The following SEZ6L variants were observed in gnomAD, a reference collection of about 807,000 sequenced individuals.
SEZ6L encodes the protein seizure 6-like protein.
Under a neutral mutation model 106.2 loss-of-function variants are expected in SEZ6L, and 37 were observed. The observed-to-expected ratio is 0.35, with a 90% CI of 0.27 to 0.46. SEZ6L has a LOEUF of 0.46. Among genes scored for constraint, SEZ6L ranks in the 20% least tolerant of loss-of-function variants. SEZ6L has a pLI of 1.00. For synonymous variants in SEZ6L, 541 were observed against 570.4 expected, an observed-to-expected ratio of 0.95 and a Z score of 0.73; for missense variants, 1,172 against 1,332.8, an observed-to-expected ratio of 0.88 and a Z score of 1.88.
intron 1 of SEZ6L, among the ~76,000 whole-genome samples, chr22:26,233,863 G>C (rs926138209): frequency 6.6e-6 from 1 of 152,186 alleles, no homozygotes; most frequent in Admixed American, 6.5e-5. Flanking sequence ...TTGAGCTGGG[G>C]CCTGGGCAGT....
chr22:26,298,911 C>G, intron 4 of SEZ6L, 73 bp from the exon 5 acceptor site: 1 of 1,427,776 alleles, frequency 7.0e-7, no homozygotes, highest in Non-Finnish European at 9.4e-7. Context: ...CAAACTGGCT[C>G]CCAGGATGTG....
At chr22:26,372,253 G>T (rs2084061862) in intron 13 of SEZ6L, among the ~76,000 whole-genome samples, 1 of 152,304 alleles carries the variant, frequency 6.6e-6, no homozygotes, top group East Asian at 1.9e-4. Context: ...CCAGGAATCT[G>T]CATTTAACAT....
At chr22:26,293,497 A>AT (rs939178290) in intron 2 of SEZ6L, among the ~76,000 whole-genome samples, 3 of 152,172 alleles carry the variant, frequency 2.0e-5, no homozygotes, top group African/African-American at 4.8e-5. Context: ...TGTCCAGCTA[A>AT]TTTTTTTGTT....
chr22:26,358,282 G>T (rs684675), intron 12 of SEZ6L, among the ~76,000 whole-genome samples: 1 of 152,048 alleles, frequency 6.6e-6, no homozygotes, highest in Non-Finnish European at 1.5e-5. Flanking sequence ...AAACCAGCAC[G>T]TCCAGGTTTG....
chr22:26,297,609 C>T (rs1186546495), intron 4 of SEZ6L, among the ~76,000 whole-genome samples: 2 of 152,150 alleles, frequency 1.3e-5, no homozygotes, highest in Non-Finnish European at 2.9e-5. Flanking sequence ...TCCACAGACT[C>T]CTGATAAAGA....
intron 1 of SEZ6L, among the ~76,000 whole-genome samples, chr22:26,262,492 G>A (rs2080047527): frequency 6.6e-6 from 1 of 152,122 alleles, no homozygotes; most frequent in African/African-American, 2.4e-5. Flanking sequence ...TTAGTACATA[G>A]CCTTTTCTAT....
intron 10 of SEZ6L, among the ~76,000 whole-genome samples, chr22:26,342,705 G>GAAAAGAAAAGAAA (rs1228469193): frequency 1.7e-5 from 2 of 120,776 alleles, no homozygotes; most frequent in East Asian, 5.9e-4. Flanking sequence ...AAAGAAAAAA[G>GAAAAGAAAAGAAA]AAAAAAGAAA....
intron 13 of SEZ6L, among the ~76,000 whole-genome samples, chr22:26,365,922 T>A (rs1347955772): frequency 6.6e-6 from 1 of 152,062 alleles, no homozygotes; most frequent in Non-Finnish European, 1.5e-5. Context: ...CTGTACTTCA[T>A]TAAATCTAAG....
chr22:26,290,574 T>C (rs1024312911), intron 1 of SEZ6L, among the ~76,000 whole-genome samples: 2 of 151,704 alleles, frequency 1.3e-5, no homozygotes, highest in African/African-American at 4.8e-5. Context: ...GACTAAATGG[T>C]TTTACCTTCC....
chr22:26,289,269 C>A (rs2145875418), intron 1 of SEZ6L, among the ~76,000 whole-genome samples: 1 of 152,252 alleles, frequency 6.6e-6, no homozygotes, highest in Non-Finnish European at 1.5e-5. Flanking sequence ...TCTTTTTGTC[C>A]CTATGCCCTC....
chr22:26,358,022 A>T (rs1211051758), intron 12 of SEZ6L, among the ~76,000 whole-genome samples: 1 of 152,092 alleles, frequency 6.6e-6, no homozygotes, highest in Admixed American at 6.5e-5. Flanking sequence ...AGACACAGGG[A>T]TTTCCCAGCC....
intron 1 of SEZ6L, among the ~76,000 whole-genome samples, chr22:26,232,331 C>G (rs1017314971): frequency 6.9e-6 from 1 of 145,216 alleles, no homozygotes; most frequent in African/African-American, 2.6e-5. Flanking sequence ...TTAAGTCTCT[C>G]TCTCTCTCTG....
chr22:26,235,888 T>A (rs1010509008), intron 1 of SEZ6L, among the ~76,000 whole-genome samples: 7 of 152,088 alleles, frequency 4.6e-5, no homozygotes, highest in Non-Finnish European at 5.9e-5. Flanking sequence ...TATGATCAGA[T>A]CAAGTAAGAA....
At chr22:26,334,346 T>C (rs1311190108) in intron 9 of SEZ6L, among the ~76,000 whole-genome samples, 1 of 152,188 alleles carries the variant, frequency 6.6e-6, no homozygotes, top group African/African-American at 2.4e-5. Context: ...GATTTCCCTA[T>C]TCTGGATATT....
intron 1 of SEZ6L, among the ~76,000 whole-genome samples, chr22:26,251,439 G>T (rs1207384): frequency 1.3e-5 from 2 of 151,888 alleles, no homozygotes; most frequent in Non-Finnish European, 2.9e-5. Context: ...GATTCTTTTG[G>T]GGTAGTGTAT....
chr22:26,212,037 G>A (rs868450333), intron 1 of SEZ6L, among the ~76,000 whole-genome samples: 8 of 152,188 alleles, frequency 5.3e-5, no homozygotes, highest in Admixed American at 1.3e-4. Context: ...ATAATAAAAT[G>A]TGACGGACAA....
chr22:26,348,638 A>AAG (rs1361080123), intron 11 of SEZ6L, among the ~76,000 whole-genome samples: 6 of 31,480 alleles, frequency 1.9e-4, no homozygotes, highest in African/African-American at 9.5e-4. Flanking sequence ...GAAAGAAAGA[A>AAG]AGAAAGAAAA....
intron 9 of SEZ6L, among the ~76,000 whole-genome samples, chr22:26,316,940 G>GAAAGAAAGAA (rs1569460219): frequency 1.2e-4 from 7 of 57,194 alleles, no homozygotes; most frequent in Non-Finnish European, 2.3e-4. Context: ...AGAAAGAAAA[G>GAAAGAAAGAA]AAAGAAAGGA....
chr22:26,347,112 C>A (rs1483564082), intron 10 of SEZ6L, among the ~76,000 whole-genome samples: 1 of 151,804 alleles, frequency 6.6e-6, no homozygotes, highest in African/African-American at 2.4e-5. Context: ...GGGAGGATCA[C>A]TTGAGCCCAG....
Sources: gnomAD v4.1 joint callset for allele counts (sites outside exome capture counted in the v4.1 genomes callset) on GRCh38, gnomAD v4.1.1 for gene constraint, MANE v1.5 for transcripts, NCBI Gene and HGNC (gene_info 2026-07-23, HGNC 2026-07-21) for gene names.